Variants in AGAP3 observed in about 807,000 individuals in gnomAD.
AGAP3 encodes ArfGAP with GTPase domain, ankyrin repeat and PH domain 3, also known as arf-GAP with GTPase, ANK repeat and PH domain-containing protein 3.
Under a neutral mutation model 96.9 loss-of-function variants are expected in AGAP3, and 24 were observed. The observed-to-expected ratio is 0.25, with a 90% CI of 0.18 to 0.35. AGAP3 has a LOEUF of 0.35. AGAP3 is among the 10% of genes least tolerant of loss of function. The pLI is 1.00. For missense variants in AGAP3, 876 were observed against 1,254.2 expected (o/e 0.70, Z 4.55); for synonymous variants, 563 against 536.1 (o/e 1.05, Z -0.69).
At chr7:151,109,588 C>A (rs1226531292) in intron 1 of AGAP3, among the ~76,000 whole-genome samples, 4 of 152,192 alleles carry the variant, frequency 2.6e-5, no homozygotes, top group African/African-American at 4.8e-5. Flanking sequence ...AGGGCCCACC[C>A]TACTCAAGTA....
At chr7:151,137,339 CG>C (rs773167728) in intron 11 of AGAP3, among the ~76,000 whole-genome samples, 190 of 152,368 alleles carry the variant, frequency 1.2e-3, no homozygotes, top group Middle Eastern at 6.8e-3. Context: ...ACCTCAGGTT[CG>C]GCCCCCGTGT....
chr7:151,138,793 G>GCAT (rs1800709639), intron 12 of AGAP3, among the ~76,000 whole-genome samples: 1 of 152,190 alleles, frequency 6.6e-6, no homozygotes, highest in Non-Finnish European at 1.5e-5. Context: ...GAAGGCAGCA[G>GCAT]CATCTCGCCC....
At chr7:151,128,487 G>C (rs548368728) in intron 9 of AGAP3, 93 bp from the exon 10 acceptor site, 226 of 1,023,554 alleles carry the variant, frequency 2.2e-4, no homozygotes, top group South Asian at 1.2e-3. Flanking sequence ...AAGCGGGGAG[G>C]GGGGAGGGCA....
chr7:151,134,673 GC>G (rs1800526438), intron 11 of AGAP3, 105 bp downstream of exon 11: 4 of 1,199,864 alleles, frequency 3.3e-6, no homozygotes, highest in Non-Finnish European at 1.2e-6. Context: ...CAGGGTGCTG[GC>G]CAGCATCACA....
chr7:151,094,592 T>G (rs4725988), intron 1 of AGAP3, among the ~76,000 whole-genome samples: 1 of 152,172 alleles, frequency 6.6e-6, no homozygotes, highest in Non-Finnish European at 1.5e-5. Context: ...TAGTGAGAGT[T>G]GATATTAAAA....
At chr7:151,132,595 G>T (rs146171884) in intron 10 of AGAP3, among the ~76,000 whole-genome samples, 1 of 152,232 alleles carries the variant, frequency 6.6e-6, no homozygotes, top group African/African-American at 2.4e-5. Context: ...GAAGGCGACT[G>T]CAGGCTCGGC....
rs1240913656 is a variant in AGAP3 at position 151,118,373 on chromosome 7, G to T, written c.841+29G>T. 6.3e-7 allele frequency: 1 copy of T among 1,598,878 alleles called. No individual in the cohort carries two copies. Among genetic ancestry groups the T allele is most frequent in the Admixed American group, 1.7e-5 (1 of 59,508 alleles). ...ACTCGGGTGCCGGGTGGGAGTCACT[G>T]GCAGCCGCGGCCCCAGTGCTGGCGA... is the stretch of plus-strand genomic sequence containing the variant. On this transcript the variant is annotated intron_variant, in intron 6 of 17. Transcript: ENST00000397238. The surrounding 1 kb of genome is among the most constrained non-coding windows in gnomAD (Gnocchi z 6.1).
intron 10 of AGAP3, among the ~76,000 whole-genome samples, chr7:151,129,678 G>C (rs921920919): frequency 5.9e-5 from 9 of 152,096 alleles, no homozygotes; most frequent in East Asian, 3.9e-4. Flanking sequence ...GCCAGCTCCT[G>C]AGCTCCCGCC....
intron 1 of AGAP3, chr7:151,089,610 T>C (rs1344297430): frequency 6.6e-6 from 1 of 152,238 alleles, no homozygotes; most frequent in Non-Finnish European, 1.5e-5. Flanking sequence ...TTGGGCCTCC[T>C]GTAGTCTCTG....
At chr7:151,106,723 C>T (rs1181976747) in intron 1 of AGAP3, among the ~76,000 whole-genome samples, 5 of 151,990 alleles carry the variant, frequency 3.3e-5, no homozygotes, top group Admixed American at 6.6e-5. Context: ...GTGATTCGCC[C>T]GCCTCAGGCT....
chr7:151,086,004 G>C (rs1798129230), upstream of AGAP3: 1 of 152,480 alleles, frequency 6.6e-6, no homozygotes, highest in African/African-American at 2.4e-5. Context: ...CTGAAGGCGG[G>C]ACGCTGTAAG....
Position 151,114,949 on chromosome 7 carries a change from T to C in AGAP3, c.332-1844T>C. ...GAGCAGCCGGCGCGGCCGCGGAGCG[T>C]GTGCTCGGGCGGCCCGGAGCCGCCG... is the stretch of plus-strand genomic sequence containing the variant. On this transcript the variant is annotated intron_variant, in intron 1 of 17. Transcript: ENST00000397238. This position sits in a 1 kb window ranked among gnomAD's most constrained non-coding sequence, Gnocchi z 4.4. 1.0e-6 allele frequency: 1 copy of C among 982,452 alleles called. No homozygotes were observed. The allele number at this position is 982,452 out of a possible 1,614,324, so 60.9% of individuals were successfully genotyped here.
intron 10 of AGAP3, among the ~76,000 whole-genome samples, chr7:151,129,734 G>T (rs1353992656): frequency 7.3e-6 from 1 of 136,704 alleles, no homozygotes; most frequent in African/African-American, 2.7e-5. Flanking sequence ...TGTCCCACTC[G>T]CGAGTCCTTG....
rs1695251510 is a variant in AGAP3, at chr7:151,139,125, G to A, written c.1666+812G>A. 6.6e-6 allele frequency among the ~76,000 whole-genome samples: 1 copy of A among 152,224 alleles called. No homozygotes were observed. Among genetic ancestry groups the A allele is most frequent in the Admixed American group, 6.5e-5 (1 of 15,284 alleles). On this transcript the variant is annotated intron_variant, in intron 12 of 17. Coordinates refer to ENST00000397238, the MANE Select transcript of AGAP3 (RefSeq NM_031946.7). The surrounding 1 kb of genome is among the most constrained non-coding windows in gnomAD (Gnocchi z 4.9). ...CCATGCCCTTGTCCTGAGTGATGGT[G>A]TAATGACAGGAAGACCCAGGGTGCC...
In AGAP3 at chr7:151,116,645, C is replaced by G. The variant is rs527444975; in HGVS notation, c.332-148C>G. The G allele has an allele frequency of 7.5e-6, 6 of 797,462 alleles. No individual in the cohort carries two copies. In the South Asian group the frequency reaches 9.3e-5, roughly 12 times the overall value. The allele number at this position is 797,462 out of a possible 1,614,324, so 49.4% of individuals were successfully genotyped here. On this transcript the variant is annotated intron_variant, in intron 1 of 17. Coordinates refer to ENST00000397238, the MANE Select transcript of AGAP3 (RefSeq NM_031946.7). The stretch of plus-strand genomic sequence containing the variant: ...AACCTTCCCACTGCCTCCTGGGGAA[C>G]TAGGGGTGAGGGTTGGGGGTCCCGT...
chr7:151,103,358 G>A (rs576204830), intron 1 of AGAP3, among the ~76,000 whole-genome samples: 1 of 152,338 alleles, frequency 6.6e-6, no homozygotes, highest in South Asian at 2.1e-4. Flanking sequence ...CAGAAATTTA[G>A]AAGAATGTTG....
Position 151,117,416 on chromosome 7 carries a change from T to G in AGAP3, c.524T>G (p.Leu175Arg). The change falls in exon 4 of 18, where the codon CTG (leucine) becomes CGG (arginine). Residue 175 changes from leucine (L) to arginine (R), a missense_variant. Coordinates refer to ENST00000397238, the MANE Select transcript of AGAP3 (RefSeq NM_031946.7). ...KEIVVDGQSYLLLIRDEGGPP... is the reference protein window; with the variant it reads ...KEIVVDGQSYRLLIRDEGGPP... ...ATTGTGGTGGATGGCCAGAGTTACC[T>G]GCTGCTGATCCGAGATGAAGGAGGC... 6.2e-7 allele frequency: 1 copy of G among 1,614,214 alleles called. No individual in the cohort carries two copies.
In AGAP3 at chr7:151,114,765, C is replaced by T; in HGVS notation, c.332-2028C>T. On this transcript the variant is annotated intron_variant, in intron 1 of 17. Coordinates refer to ENST00000397238, the MANE Select transcript of AGAP3 (RefSeq NM_031946.7). The surrounding 1 kb of genome is among the most constrained non-coding windows in gnomAD (Gnocchi z 4.4). Reference sequence around the variant, plus strand: ...TGGGCCTGGCCCGCGCCCGCCGGCCCTGAGCATGGAGCGGGGCTGGCCGCA... The same window carrying T: ...TGGGCCTGGCCCGCGCCCGCCGGCCTTGAGCATGGAGCGGGGCTGGCCGCA... 1 of 1,021,780 alleles carries T rather than the reference C, an allele frequency of 9.8e-7. No individual in the cohort carries two copies. Among genetic ancestry groups the T allele is most frequent in the Non-Finnish European group, 1.2e-6 (1 of 854,900 alleles). The allele number at this position is 1,021,780 out of a possible 1,614,324, so 63.3% of individuals were successfully genotyped here.
chr7:151,122,589 C>T (rs1799962099), intron 8 of AGAP3: 12 of 752,182 alleles, frequency 1.6e-5, no homozygotes, highest in East Asian at 3.4e-5. Context: ...TCGTCCTTCT[C>T]CTCCTCCTCC....
Sources: gnomAD v4.1 joint callset for allele counts (sites outside exome capture counted in the v4.1 genomes callset) on GRCh38, gnomAD v4.1.1 for gene constraint, Gnocchi (gnomAD v3.1) non-coding constraint, MANE v1.5 for transcripts, NCBI Gene and HGNC (gene_info 2026-07-23, HGNC 2026-07-21) for gene names.